MAP2K5: variants seen among roughly 807,000 people sequenced by gnomAD.
The protein encoded by MAP2K5 is dual specificity mitogen-activated protein kinase kinase 5.
Under a neutral mutation model 83.1 loss-of-function variants are expected in MAP2K5, and 49 were observed. The ratio of observed to expected loss-of-function variants is 0.59; its 90% CI spans 0.47 to 0.75. The LOEUF (loss-of-function observed/expected upper bound fraction) is 0.75, where lower values mean the gene tolerates loss of function less well. Ranked by LOEUF, MAP2K5 falls within the 30% of genes least tolerant of loss-of-function variation. The pLI is 0.00. For synonymous variants in MAP2K5, 202 were observed against 191.8 expected, an observed-to-expected ratio of 1.05 and a Z score of -0.44; for missense variants, 457 against 557.5, an observed-to-expected ratio of 0.82 and a Z score of 1.82.
intron 21 of MAP2K5, among the ~76,000 whole-genome samples, chr15:67,792,520 C>A (rs964861865): frequency 7.2e-5 from 11 of 152,138 alleles, no homozygotes; most frequent in Non-Finnish European, 1.3e-4. Flanking sequence ...GAAAATTAAA[C>A]CAGCTGACAC....
chr15:67,685,900 T>C (rs2087939383), intron 13 of MAP2K5, among the ~76,000 whole-genome samples: 1 of 152,238 alleles, frequency 6.6e-6, no homozygotes, highest in Non-Finnish European at 1.5e-5. Context: ...TGGCCTATCA[T>C]TGCATTTGCA....
In MAP2K5 at chr15:67,628,405, A is replaced by G. The variant is rs1225019886; in HGVS notation, c.546-2483A>G. The G allele has an allele frequency of 7.4e-6, 4 of 542,218 alleles. No individual in the cohort carries two copies. The East Asian group carries it at 1.3e-4, about 17-fold the overall frequency. The allele number at this position is 542,218 out of a possible 1,614,324, so 33.6% of individuals were successfully genotyped here. ...TGAGGCAGGAGCATTGCTTGAACCC[A>G]GGAGGCAGTGGCTGTGGTGAGCCAA... On this transcript the variant is annotated intron_variant, in intron 8 of 21. Transcript: ENST00000178640.
chr15:67,743,710 G>T (rs979285110), intron 17 of MAP2K5, among the ~76,000 whole-genome samples: 5 of 152,162 alleles, frequency 3.3e-5, no homozygotes, highest in African/African-American at 1.2e-4. Flanking sequence ...GAGGTTGTAT[G>T]TCCCTAAGTT....
chr15:67,804,744 G>C (rs967028564), intron 21 of MAP2K5, among the ~76,000 whole-genome samples: 1 of 152,218 alleles, frequency 6.6e-6, no homozygotes, highest in Non-Finnish European at 1.5e-5. Context: ...CGTCACTCGT[G>C]AGCACAGCTT....
intron 16 of MAP2K5, among the ~76,000 whole-genome samples, chr15:67,712,504 T>C (rs904171690): frequency 5.9e-5 from 9 of 152,118 alleles, no homozygotes; most frequent in African/African-American, 2.2e-4. Context: ...AAAGTTCAAA[T>C]AAACTACCAG....
intron 19 of MAP2K5, among the ~76,000 whole-genome samples, chr15:67,751,402 G>A (rs2089715398): frequency 6.6e-6 from 1 of 152,148 alleles, no homozygotes; most frequent in South Asian, 2.1e-4. Flanking sequence ...CCTCAGAGTT[G>A]CTTCTCAACA....
chr15:67,566,153 AG>A (rs2084833410), intron 3 of MAP2K5, among the ~76,000 whole-genome samples: 1 of 152,068 alleles, frequency 6.6e-6, no homozygotes, highest in African/African-American at 2.4e-5. Context: ...TTTTGCAAAA[AG>A]CTGTTTTTTT....
intron 1 of MAP2K5, among the ~76,000 whole-genome samples, chr15:67,546,823 G>A (rs1567263669): frequency 6.6e-6 from 1 of 152,114 alleles, no homozygotes; most frequent in Non-Finnish European, 1.5e-5. Flanking sequence ...CCAACACTTT[G>A]GGAGGCCGAG....
intron 8 of MAP2K5, among the ~76,000 whole-genome samples, chr15:67,615,397 A>G (rs954014654): frequency 2.0e-5 from 3 of 152,338 alleles, no homozygotes; most frequent in East Asian, 3.9e-4. Flanking sequence ...TTGAACTAGT[A>G]TAGTTTACAT....
intron 17 of MAP2K5, among the ~76,000 whole-genome samples, chr15:67,743,650 A>G (rs761614137): frequency 1.3e-5 from 2 of 152,176 alleles, no homozygotes; most frequent in African/African-American, 4.8e-5. Context: ...TTTCTCATTG[A>G]AGGCTTTCTG....
chr15:67,686,038 G>A (rs2087944025), intron 13 of MAP2K5, among the ~76,000 whole-genome samples: 1 of 152,206 alleles, frequency 6.6e-6, no homozygotes, highest in South Asian at 2.1e-4. Context: ...GTAGAGATTA[G>A]TGGAATGCTA....
chr15:67,710,921 A>T (rs527725629), intron 16 of MAP2K5, among the ~76,000 whole-genome samples: 27 of 152,236 alleles, frequency 1.8e-4, no homozygotes, highest in Non-Finnish European at 3.2e-4. Context: ...TTCTCTGTAC[A>T]TGTAATATCA....
At position 67,709,158 on chromosome 15, in the gene MAP2K5, GT is replaced by G. The variant is rs541276400; in HGVS notation, c.1044+5752del. ...GTTGTAGTTCCCCTCCTGTGGATTAGTTATGGAATCATTAAAGGTCATTGCC... is the reference window on the plus strand; with the variant it reads ...GTTGTAGTTCCCCTCCTGTGGATTAGTATGGAATCATTAAAGGTCATTGCC... On this transcript the variant is annotated intron_variant, in intron 16 of 21. Transcript: ENST00000178640. 2.2e-4 allele frequency among the ~76,000 whole-genome samples: 33 copies of G among 152,302 alleles called. No homozygotes were observed. The East Asian group carries it at 3.9e-3, about 18-fold the overall frequency.
Position 67,686,603 on chromosome 15 carries a change from A to AAAT in MAP2K5, c.848-5837_848-5835dup, listed in dbSNP as rs57116318. Among the ~76,000 whole-genome samples the AAAT allele has an allele frequency of 3.7e-3, 548 of 148,534 alleles. 4 individuals carry two copies. Among genetic ancestry groups the AAAT allele is most frequent in the African/African-American group, 0.013 (508 of 40,102 alleles). On this transcript the variant is annotated intron_variant, in intron 13 of 21. Coordinates refer to ENST00000178640, the MANE Select transcript of MAP2K5 (RefSeq NM_145160.3). ...GGGCAACAGAGTGAGACTGTGTCTC[A>AAAT]AATAATAATAATAATAATAATAATA...
At chr15:67,596,498 A>G (rs2085530388) in intron 7 of MAP2K5, among the ~76,000 whole-genome samples, 1 of 152,202 alleles carries the variant, frequency 6.6e-6, no homozygotes, top group Non-Finnish European at 1.5e-5. Context: ...TAAAATTTAA[A>G]AAGTTTAAAA....
intron 13 of MAP2K5, among the ~76,000 whole-genome samples, chr15:67,687,468 A>G (rs1429338386): frequency 6.6e-6 from 1 of 152,228 alleles, no homozygotes; most frequent in Non-Finnish European, 1.5e-5. Flanking sequence ...ATTTTTGTTC[A>G]GAGAATATAC....
intron 1 of MAP2K5, among the ~76,000 whole-genome samples, chr15:67,548,534 G>A (rs1372056846): frequency 6.6e-6 from 1 of 152,208 alleles, no homozygotes; most frequent in African/African-American, 2.4e-5. Flanking sequence ...TAACTCATTT[G>A]TTAGGTACAG....
chr15:67,683,124 A>G (rs2087864092), intron 13 of MAP2K5, among the ~76,000 whole-genome samples: 1 of 151,992 alleles, frequency 6.6e-6, no homozygotes, highest in Admixed American at 6.5e-5. Flanking sequence ...CTGGGCAACA[A>G]GAGCAAAAAC....
intron 20 of MAP2K5, among the ~76,000 whole-genome samples, chr15:67,771,829 C>T (rs1177825276): frequency 1.3e-5 from 2 of 152,068 alleles, no homozygotes; most frequent in Non-Finnish European, 2.9e-5. Context: ...AGAAGAGTGC[C>T]TTATAAAGAA....
Sources: gnomAD v4.1 joint callset for allele counts (sites outside exome capture counted in the v4.1 genomes callset) on GRCh38, gnomAD v4.1.1 for gene constraint, MANE v1.5 for transcripts, NCBI Gene and HGNC (gene_info 2026-07-23, HGNC 2026-07-21) for gene names.